Variants in RFX3 observed in about 807,000 individuals in gnomAD.
RFX3 encodes the protein transcription factor RFX3.
In RFX3, 14 loss-of-function variants were observed where a neutral mutation model predicts 98.6. The observed-to-expected ratio is 0.14, with a 90% CI of 0.09 to 0.22. The LOEUF is 0.22. RFX3 is among the 10% of genes least tolerant of loss of function. The pLI is 1.00. For synonymous variants in RFX3, 383 were observed against 328.4 expected (o/e 1.17, Z -1.80); for missense variants, 639 against 926.9 (o/e 0.69, Z 4.03).
rs574576840 is a variant in RFX3 at position 3,468,901 on chromosome 9, G to A, written c.-9+56846C>T. On this transcript the variant is annotated intron_variant, in intron 1 of 16. Coordinates refer to ENST00000617270, the MANE Select transcript of RFX3 (RefSeq NM_001282116.2). Reference sequence around the variant, plus strand: ...AATATTAAACATTCTAAAGGGCAATGTAAAAACAAGTTGAAAAATGTAAAA... The same window carrying A: ...AATATTAAACATTCTAAAGGGCAATATAAAAACAAGTTGAAAAATGTAAAA... Among the ~76,000 whole-genome samples the A allele has an allele frequency of 4.6e-5, 7 of 150,908 alleles. No homozygotes were observed. The South Asian group carries it at 1.5e-3, about 32-fold the overall frequency.
intron 4 of RFX3, among the ~76,000 whole-genome samples, chr9:3,314,680 CT>C (rs1260650976): frequency 1.3e-5 from 2 of 151,794 alleles, no homozygotes; most frequent in African/African-American, 4.8e-5. Flanking sequence ...GAAGGAAGAT[CT>C]ACCAAGCAAA....
intron 3 of RFX3, among the ~76,000 whole-genome samples, chr9:3,337,868 G>C (rs1390847978): frequency 6.6e-6 from 1 of 152,146 alleles, no homozygotes; most frequent in South Asian, 2.1e-4. Flanking sequence ...TCAAATTATG[G>C]AGTTTTTACA....
At position 3,440,562 on chromosome 9, in the gene RFX3, A is replaced by G. The variant is rs1393512827; in HGVS notation, c.-8-44966T>C. Among the ~76,000 whole-genome samples, 167 of 152,270 alleles carry G rather than the reference A, an allele frequency of 1.1e-3. 4 individuals carry two copies. The highest frequency in any genetic ancestry group is 1.8e-4 in the Non-Finnish European group (12 of 67,968). Reference sequence around the variant, plus strand: ...GTGCAAGATCTATACACTGAAAACTACAAAAATACTTCTAAAAGAAATTAG... The same window carrying G: ...GTGCAAGATCTATACACTGAAAACTGCAAAAATACTTCTAAAAGAAATTAG... On this transcript the variant is annotated intron_variant, in intron 1 of 16. Coordinates refer to ENST00000617270, the MANE Select transcript of RFX3 (RefSeq NM_001282116.2).
At chr9:3,394,828 A>C in intron 2 of RFX3, 1 of 985,332 alleles carries the variant, frequency 1.0e-6, no homozygotes, top group Non-Finnish European at 1.2e-6. Context: ...CACAATCCAC[A>C]TACATGAACA....
chr9:3,483,885 A>C (rs1587828367), intron 1 of RFX3, among the ~76,000 whole-genome samples: 1 of 152,228 alleles, frequency 6.6e-6, no homozygotes, highest in East Asian at 1.9e-4. Flanking sequence ...TCTAGTATAA[A>C]CCTTCTCATC....
At position 3,275,524 on chromosome 9, in the gene RFX3, C is replaced by T. The variant is rs766546773; in HGVS notation, c.1062G>A (p.Gln354=). ...GTTFEDIKSL[Q]SLYREHCEAI... is the part of the protein sequence containing the mutation. ...CCTCACAGTGCTCTCTATAAAGACT[C>T]TGCAGTGACTTGATATCCTCAAAGG... is the stretch of plus-strand genomic sequence containing the variant. Residue 354 remains glutamine, a synonymous_variant, in exon 9 of 17, where the codon CAG becomes CAA. Coordinates refer to ENST00000617270, the MANE Select transcript of RFX3 (RefSeq NM_001282116.2). 1.9e-6 allele frequency: 3 copies of T among 1,607,388 alleles called. No homozygotes were observed. Among genetic ancestry groups the T allele is most frequent in the Non-Finnish European group, 2.6e-6 (3 of 1,174,226 alleles).
At chr9:3,418,786 T>C (rs552367486) in intron 1 of RFX3, among the ~76,000 whole-genome samples, 3 of 152,358 alleles carry the variant, frequency 2.0e-5, no homozygotes, top group South Asian at 2.1e-4. Context: ...TTAGAATTCA[T>C]ATTTTTAAAA....
At chr9:3,239,302 T>G (rs539147296) in intron 15 of RFX3, among the ~76,000 whole-genome samples, 1 of 152,356 alleles carries the variant, frequency 6.6e-6, no homozygotes, top group Non-Finnish European at 1.5e-5. Flanking sequence ...CCTTGGTTAC[T>G]TTTCTTTGTA....
At chr9:3,328,002 G>A (rs1383753123) in intron 4 of RFX3, among the ~76,000 whole-genome samples, 8 of 152,116 alleles carry the variant, frequency 5.3e-5, no homozygotes, top group Non-Finnish European at 8.8e-5. Flanking sequence ...AGTAAATTTA[G>A]TAAACCCACA....
chr9:3,329,407 C>CAA (rs1202028884), intron 4 of RFX3, among the ~76,000 whole-genome samples: 770 of 37,446 alleles, frequency 0.021, 25 homozygotes, highest in Admixed American at 0.034. Flanking sequence ...GACTTCATCT[C>CAA]AAAAAAAAAA....
At chr9:3,228,494 C>T (rs192210246) in intron 16 of RFX3, among the ~76,000 whole-genome samples, 29 of 152,282 alleles carry the variant, frequency 1.9e-4, no homozygotes, top group Non-Finnish European at 3.1e-4. Flanking sequence ...TTTTTCTTGC[C>T]TGGTGGGCCT....
At chr9:3,357,719 A>G (rs1459693739) in intron 2 of RFX3, among the ~76,000 whole-genome samples, 1 of 152,034 alleles carries the variant, frequency 6.6e-6, no homozygotes, top group Non-Finnish European at 1.5e-5. Flanking sequence ...TTTATTATAT[A>G]TTTCAAAATA....
At chr9:3,506,865 T>G (rs1378792996) in intron 1 of RFX3, among the ~76,000 whole-genome samples, 2 of 151,846 alleles carry the variant, frequency 1.3e-5, no homozygotes, top group African/African-American at 4.8e-5. Context: ...TAAATTCATT[T>G]TGGAAAAAAA....
At position 3,414,513 on chromosome 9, in the gene RFX3, GTA is replaced by G. The variant is rs989024413; in HGVS notation, c.-8-18919_-8-18918del. Reference sequence around the variant, plus strand: ...TATATGTGTATATACATATATAAGAGTATATATATATGTGTGTGTGTGTATAT... The same window carrying G: ...TATATGTGTATATACATATATAAGAGTATATATATGTGTGTGTGTGTATAT... On this transcript the variant is annotated intron_variant, in intron 1 of 16. Coordinates refer to ENST00000617270, the MANE Select transcript of RFX3 (RefSeq NM_001282116.2). Among the ~76,000 whole-genome samples the G allele has an allele frequency of 2.5e-4, 38 of 149,736 alleles. 1 individual carries two copies. In the East Asian group the frequency reaches 5.1e-3, roughly 20 times the overall value.
chr9:3,331,140 A>G (rs542396954), intron 3 of RFX3, among the ~76,000 whole-genome samples: 1 of 152,154 alleles, frequency 6.6e-6, no homozygotes, highest in East Asian at 1.9e-4. Flanking sequence ...CTCACTTTCC[A>G]CTTTCCAACA....
intron 1 of RFX3, among the ~76,000 whole-genome samples, chr9:3,493,875 C>A (rs760418141): frequency 4.0e-5 from 6 of 151,616 alleles, no homozygotes; most frequent in Non-Finnish European, 8.8e-5. Context: ...GCCTCTATGC[C>A]ATTGTATGCT....
At chr9:3,342,218 G>C (rs898601914) in intron 3 of RFX3, among the ~76,000 whole-genome samples, 1 of 152,094 alleles carries the variant, frequency 6.6e-6, no homozygotes, top group African/African-American at 2.4e-5. Flanking sequence ...ATATTACTCA[G>C]GTACAAGTAT....
chr9:3,312,390 G>T (rs1286065719), intron 4 of RFX3, among the ~76,000 whole-genome samples: 1 of 152,122 alleles, frequency 6.6e-6, no homozygotes, highest in African/African-American at 2.4e-5. Flanking sequence ...TCTCCAGAGT[G>T]TTCCTTGAGC....
chr9:3,344,955 G>T, intron 3 of RFX3: 1 of 626,112 alleles, frequency 1.6e-6, no homozygotes, highest in South Asian at 1.9e-5. Context: ...GATTTAATAC[G>T]GTAACAGAAA....
Sources: allele counts gnomAD v4.1 joint callset (sites outside exome capture counted in the v4.1 genomes callset), GRCh38; gene constraint gnomAD v4.1.1; transcripts MANE v1.5; gene names NCBI Gene and HGNC (gene_info 2026-07-23, HGNC 2026-07-21).